Variants in HDAC7 observed in about 807,000 individuals in gnomAD.
HDAC7 encodes histone deacetylase 7, also known as histone deacetylase 7A.
A neutral mutation model predicts 115.5 loss-of-function variants in HDAC7; 26 were observed. The observed-to-expected ratio is 0.23, with a 90% CI of 0.16 to 0.31. The LOEUF (loss-of-function observed/expected upper bound fraction) is 0.31, where lower values mean the gene tolerates loss of function less well. Among genes scored for constraint, HDAC7 ranks in the 10% least tolerant of loss-of-function variants. HDAC7 has a pLI of 1.00. For missense variants in HDAC7, 1,068 were observed against 1,329.0 expected, an observed-to-expected ratio of 0.80 and a Z score of 3.05; for synonymous variants, 564 against 550.9, an observed-to-expected ratio of 1.02 and a Z score of -0.33.
Position 47,783,481 on chromosome 12 carries a change from CAGA to C in HDAC7, c.*357_*359del. On this transcript the variant is annotated 3_prime_UTR_variant, in exon 26 of 26. Transcript: ENST00000080059. ...GGCTGTGTGCAAAGTCTGGGGTTTG[CAGA>C]GCCAGGAATAGTGGTTAAGGGTGAG... The C allele has an allele frequency of 3.5e-6, 1 of 288,376 alleles. No individual in the cohort carries two copies. Among genetic ancestry groups the C allele is most frequent in the Non-Finnish European group, 6.8e-6 (1 of 146,562 alleles). The allele number at this position is 288,376 out of a possible 1,614,324, so 17.9% of individuals were successfully genotyped here.
chr12:47,791,794 C>T, intron 14 of HDAC7, 77 bp downstream of exon 14: 1 of 1,559,700 alleles, frequency 6.4e-7, no homozygotes, highest in Non-Finnish European at 8.7e-7. Context: ...CTCTCATGGG[C>T]CCCAGGGCCC....
In HDAC7 at chr12:47,798,826, G is replaced by A. The variant is rs1228908481; in HGVS notation, c.217C>T (p.Leu73=). Residue 73 remains leucine (L), a synonymous_variant, in exon 3 of 26, where the codon CTA becomes TTA. Transcript: ENST00000080059. The surrounding 1 kb of genome is among the most constrained non-coding windows in gnomAD (Gnocchi z 4.3). ...RPQRLHHHLF[L]AGLQQQRSVE... ...GAGCGCTGCTGCTGCAGGCCTGCTAGGAAGAGGTGGTGGTGCAGGCGCTGG... is the reference window on the plus strand; with the variant it reads ...GAGCGCTGCTGCTGCAGGCCTGCTAAGAAGAGGTGGTGGTGCAGGCGCTGG... 1.3e-6 allele frequency: 2 copies of A among 1,559,722 alleles called. No individual in the cohort carries two copies. Among genetic ancestry groups the A allele is most frequent in the Middle Eastern group, 1.7e-4 (1 of 5,892 alleles).
intron 16 of HDAC7, 134 bp from the exon 17 acceptor site, chr12:47,790,054 C>G: frequency 1.5e-6 from 1 of 654,692 alleles, no homozygotes; most frequent in East Asian, 2.7e-5. Context: ...CTCCCCAGTG[C>G]CCCACCGCCC....
chr12:47,795,149 C>A lies in HDAC7; in HGVS notation c.1284+35G>T. The A allele has an allele frequency of 6.4e-7, 1 of 1,553,900 alleles. No homozygotes were observed. The highest frequency in any genetic ancestry group is 2.2e-5 in the East Asian group (1 of 44,476). ...TGGCCCCTAAGTCCCCAGTTAAACA[C>A]TCCCTCAATACCTCCACTGCCCAAT... On this transcript the variant is annotated intron_variant, in intron 11 of 25. Coordinates refer to ENST00000080059, the MANE Select transcript of HDAC7 (RefSeq NM_015401.5). This position sits in a 1 kb window ranked among gnomAD's most constrained non-coding sequence, Gnocchi z 4.3.
At chr12:47,817,704 C>G (rs766145320) in intron 1 of HDAC7, 6 of 152,276 alleles carry the variant, frequency 3.9e-5, no homozygotes, top group Non-Finnish European at 8.8e-5. Context: ...ATTAGCTCAC[C>G]TTCTCTCAGG....
In HDAC7 at chr12:47,797,413, G is replaced by A. The variant is rs375989920; in HGVS notation, c.548C>T (p.Pro183Leu). ...CTTGCGCAGAGGGAAGTGCTCTGGG[G>A]GGTCACTGGGCAGGCTGGGAACAGG... Reference protein sequence around the residue: ...LPPVPSLPSDPPEHFPLRKTV... With the variant: ...LPPVPSLPSDLPEHFPLRKTV... Residue 183 changes from proline (P) to leucine (L), a missense_variant, in exon 6 of 26, where the codon CCC becomes CTC. Physicochemically the swap from Pro to Leu is moderately conservative, Grantham distance 98. Coordinates refer to ENST00000080059, the MANE Select transcript of HDAC7 (RefSeq NM_015401.5). This position sits in a 1 kb window ranked among gnomAD's most constrained non-coding sequence, Gnocchi z 5.5. 28 of 1,614,066 alleles carry A rather than the reference G, an allele frequency of 1.7e-5. No homozygotes were observed. Among genetic ancestry groups the A allele is most frequent in the Middle Eastern group, 1.6e-4 (1 of 6,084 alleles).
In HDAC7 at chr12:47,788,141, G is replaced by A; in HGVS notation, c.2259C>T (p.Thr753=). 6.2e-7 allele frequency: 1 copy of A among 1,611,996 alleles called. No individual in the cohort carries two copies. The highest frequency in any genetic ancestry group is 8.5e-7 in the Non-Finnish European group (1 of 1,178,980). Residue 753 remains threonine (T), a synonymous_variant, in exon 20 of 26, where the codon ACC becomes ACT. Coordinates refer to ENST00000080059, the MANE Select transcript of HDAC7 (RefSeq NM_015401.5). ...VDWDVHHGNG[T]QQTFYQDPSV... ...TGGGGTCTTGGTAGAAGGTTTGCTGGGTGCCGTTGCCATGGTGCACGTCCT... is the reference window on the plus strand; with the variant it reads ...TGGGGTCTTGGTAGAAGGTTTGCTGAGTGCCGTTGCCATGGTGCACGTCCT...
At position 47,798,280 on chromosome 12, in the gene HDAC7, C is replaced by A; in HGVS notation, c.350-61G>T. 3.2e-6 allele frequency: 4 copies of A among 1,269,294 alleles called. No homozygotes were observed. The South Asian group carries it at 4.8e-5, about 15-fold the overall frequency. 78.6% of individuals were successfully genotyped at this position (1,269,294 alleles called of 1,614,324 possible). ...GTGGACAGGCGGCCTCGTGGCACTACCTGGCCACTGCCCTGTCCCCATCCT... is the reference window on the plus strand; with the variant it reads ...GTGGACAGGCGGCCTCGTGGCACTAACTGGCCACTGCCCTGTCCCCATCCT... On this transcript the variant is annotated intron_variant, in intron 4 of 25. Coordinates refer to ENST00000080059, the MANE Select transcript of HDAC7 (RefSeq NM_015401.5). This position sits in a 1 kb window ranked among gnomAD's most constrained non-coding sequence, Gnocchi z 4.3.
rs772127139 is a variant in HDAC7, at chr12:47,795,393, G to A, written c.1088-13C>T. On this transcript the variant is annotated splice_polypyrimidine_tract_variant and intron_variant, in intron 10 of 25. Coordinates refer to ENST00000080059, the MANE Select transcript of HDAC7 (RefSeq NM_015401.5). The surrounding 1 kb of genome is among the most constrained non-coding windows in gnomAD (Gnocchi z 4.3). ...CCAAGCCCGGGCACTGGAAAGAATC[G>A]GGGGGTGGAATAAGGAGGGAACCAC... is the stretch of plus-strand genomic sequence containing the variant. 47 of 1,572,576 alleles carry A rather than the reference G, an allele frequency of 3.0e-5. No individual in the cohort carries two copies. Among genetic ancestry groups the A allele is most frequent in the Middle Eastern group, 1.7e-4 (1 of 5,910 alleles).
At chr12:47,792,152 C>T in intron 13 of HDAC7, 148 bp from the exon 14 acceptor site, 1 of 869,874 alleles carries the variant, frequency 1.1e-6, no homozygotes, top group Non-Finnish European at 1.7e-6. Flanking sequence ...GCCTGCATTT[C>T]ATCCTGCCCC....
rs1358602804 is a variant in HDAC7 at position 47,806,050 on chromosome 12, C to T, written c.20-3776G>A. ...TAAGTTTCTCATTCATCCCAGACTC[C>T]CTAGAACTTCCCTGGAAGCCGCCCT... On this transcript the variant is annotated intron_variant, in intron 1 of 25. Transcript: ENST00000080059. 2.6e-5 allele frequency among the ~76,000 whole-genome samples: 4 copies of T among 152,250 alleles called. 1 individual carries two copies. Among genetic ancestry groups the T allele is most frequent in the South Asian group, 2.1e-4 (1 of 4,830 alleles).
At chr12:47,818,936 C>T (rs73109811) in intron 1 of HDAC7, among the ~76,000 whole-genome samples, 19,849 of 152,188 alleles carry the variant, frequency 0.13, 1,683 homozygotes, top group Non-Finnish European at 0.19. Context: ...CTCTCCTGGC[C>T]CACAGGCCTA....
chr12:47,787,245 C>CCG (rs10670184), intron 21 of HDAC7, among the ~76,000 whole-genome samples: 120,935 of 151,766 alleles, frequency 0.8, 48,441 homozygotes, highest in East Asian at 0.92. Context: ...CCAGGCCCCC[C>CCG]CCCAGCTGCC....
rs1943756653 is a variant in HDAC7, at chr12:47,795,358, G to A, written c.1110C>T (p.Pro370=). 1.2e-6 allele frequency: 2 copies of A among 1,607,906 alleles called. No homozygotes were observed. Among genetic ancestry groups the A allele is most frequent in the South Asian group, 1.1e-5 (1 of 90,662 alleles). The part of the protein sequence containing the change: ...LLTVPGLGPL[P]FHFAQSLMTT... ...TCATTAAGGACTGGGCAAAGTGGAA[G>A]GGCAAGGGCCCAAGCCCGGGCACTG... is the stretch of plus-strand genomic sequence containing the variant. The change falls in exon 11 of 26, where the codon CCC becomes CCT. Residue 370 remains proline (P), a synonymous_variant. Transcript: ENST00000080059. The surrounding 1 kb of genome is among the most constrained non-coding windows in gnomAD (Gnocchi z 4.3).
intron 1 of HDAC7, chr12:47,802,543 A>G (rs1245779242): frequency 4.1e-6 from 6 of 1,470,372 alleles, no homozygotes; most frequent in African/African-American, 2.8e-5. Flanking sequence ...CAAGAACCTA[A>G]GGAGGCCTCA....
chr12:47,812,454 C>A (rs1944708438), intron 1 of HDAC7, among the ~76,000 whole-genome samples: 1 of 152,216 alleles, frequency 6.6e-6, no homozygotes, highest in Non-Finnish European at 1.5e-5. Flanking sequence ...TCATACCAGG[C>A]ACAGAGCTAA....
intron 21 of HDAC7, 25 bp downstream of exon 21, chr12:47,787,687 C>A (rs1440299767): frequency 6.5e-7 from 1 of 1,544,740 alleles, no homozygotes; most frequent in South Asian, 1.2e-5. Flanking sequence ...GTGGACTTGC[C>A]CCTCTGGGCC....
In HDAC7 at chr12:47,797,704, G is replaced by T. The variant is rs1943932926; in HGVS notation, c.462-205C>A. ...GCTATAGTGCAGAGCTCTGACCTAG[G>T]CATAGAAGCCAGGTGCTTGGTGCGT... On this transcript the variant is annotated intron_variant, in intron 5 of 25. Coordinates refer to ENST00000080059, the MANE Select transcript of HDAC7 (RefSeq NM_015401.5). The surrounding 1 kb of genome is among the most constrained non-coding windows in gnomAD (Gnocchi z 5.5). Among the ~76,000 whole-genome samples, 1 of 152,320 alleles carries T rather than the reference G, an allele frequency of 6.6e-6. No individual in the cohort carries two copies. Among genetic ancestry groups the T allele is most frequent in the East Asian group, 1.9e-4 (1 of 5,180 alleles).
chr12:47,791,338 G>A (rs758286709), intron 15 of HDAC7, 30 bp from the exon 16 acceptor site: 350 of 1,550,632 alleles, frequency 2.3e-4, no homozygotes, highest in East Asian at 5.0e-4. Context: ...CCACGTCAGC[G>A]TGAATACTCT....
Sources: allele counts gnomAD v4.1 joint callset (sites outside exome capture counted in the v4.1 genomes callset), GRCh38; gene constraint gnomAD v4.1.1; non-coding constraint Gnocchi (gnomAD v3.1); transcripts MANE v1.5; gene names NCBI Gene and HGNC (gene_info 2026-07-23, HGNC 2026-07-21).